The following GABRB1 variants were observed in gnomAD, a reference collection of about 807,000 sequenced individuals.
GABRB1 encodes the protein gamma-aminobutyric acid type A receptor subunit beta1.
GABRB1 carries 17 observed loss-of-function variants against 51.6 expected under a neutral mutation model. The ratio of observed to expected loss-of-function variants is 0.33; its 90% CI spans 0.23 to 0.49. The LOEUF (loss-of-function observed/expected upper bound fraction) is 0.49. Among genes scored for constraint, GABRB1 ranks in the 20% least tolerant of loss-of-function variants. GABRB1 has a pLI of 0.99. For synonymous variants in GABRB1, 247 were observed against 218.9 expected, an observed-to-expected ratio of 1.13 and a Z score of -1.14; for missense variants, 410 against 600.6, an observed-to-expected ratio of 0.68 and a Z score of 3.32.
intron 4 of GABRB1, among the ~76,000 whole-genome samples, chr4:47,262,985 T>C (rs1354226972): frequency 7.3e-6 from 1 of 136,720 alleles, no homozygotes; most frequent in Non-Finnish European, 1.5e-5. Flanking sequence ...TAGGTGGGAA[T>C]TGAACAGTGA....
intron 1 of GABRB1, among the ~76,000 whole-genome samples, chr4:46,996,496 C>T (rs1724002204): frequency 6.6e-6 from 1 of 152,138 alleles, no homozygotes; most frequent in African/African-American, 2.4e-5. Context: ...GAAATGAACA[C>T]AAAATCTTGT....
chr4:47,350,269 G>GTA (rs35809346), intron 5 of GABRB1, among the ~76,000 whole-genome samples: 6,574 of 109,810 alleles, frequency 0.06, 221 homozygotes, highest in Non-Finnish European at 0.087. Flanking sequence ...ATTAATGTGT[G>GTA]TATATATATA....
chr4:47,350,218 T>TATATATATAGAGAGAGAGAG (rs750199965), intron 5 of GABRB1, among the ~76,000 whole-genome samples: 5 of 56,656 alleles, frequency 8.8e-5, no homozygotes, highest in African/African-American at 2.4e-4. Context: ...TATATATATA[T>TATATATATAGAGAGAGAGAG]AGAGAGAGAG....
At chr4:47,293,472 G>A (rs1723840615) in intron 4 of GABRB1, among the ~76,000 whole-genome samples, 1 of 152,060 alleles carries the variant, frequency 6.6e-6, no homozygotes, top group Non-Finnish European at 1.5e-5. Flanking sequence ...AACTTCTCAT[G>A]TGCAATCCTT....
At chr4:47,202,661 G>C (rs952374242) in intron 4 of GABRB1, among the ~76,000 whole-genome samples, 8 of 152,288 alleles carry the variant, frequency 5.3e-5, no homozygotes, top group African/African-American at 1.9e-4. Context: ...TGACAAGACT[G>C]TCTCAAATAA....
intron 3 of GABRB1, among the ~76,000 whole-genome samples, chr4:47,057,976 C>G (rs1233786258): frequency 1.3e-5 from 2 of 152,106 alleles, no homozygotes; most frequent in Non-Finnish European, 2.9e-5. Context: ...CAGTAAACAG[C>G]CAAACTCTGA....
rs551703181 is a variant in GABRB1, at chr4:47,024,812, A to G, written c.-19-7102A>G. Among the ~76,000 whole-genome samples, 3 of 151,196 alleles carry G rather than the reference A, an allele frequency of 2.0e-5. No individual in the cohort carries two copies. The South Asian group carries it at 6.3e-4, about 32-fold the overall frequency. On this transcript the variant is annotated intron_variant, in intron 1 of 3. Transcript: ENST00000513567. ...GCTTAGCTCCCACTTATGAGTGAAAACATATAATGTTTGGTTTTCCATTCC... is the reference window on the plus strand; with the variant it reads ...GCTTAGCTCCCACTTATGAGTGAAAGCATATAATGTTTGGTTTTCCATTCC...
At chr4:47,265,294 G>A (rs1458272054) in intron 4 of GABRB1, among the ~76,000 whole-genome samples, 2 of 151,912 alleles carry the variant, frequency 1.3e-5, no homozygotes, top group Non-Finnish European at 2.9e-5. Flanking sequence ...GTTTTTTATG[G>A]CTGAAAAGTA....
chr4:47,156,565 T>C (rs1487746519), intron 3 of GABRB1, among the ~76,000 whole-genome samples: 1 of 152,090 alleles, frequency 6.6e-6, no homozygotes, highest in African/African-American at 2.4e-5. Context: ...CTTAAAACTA[T>C]AAATCTAGGA....
intron 5 of GABRB1, among the ~76,000 whole-genome samples, chr4:47,362,152 A>T (rs1726832205): frequency 6.6e-6 from 1 of 152,184 alleles, no homozygotes; most frequent in Non-Finnish European, 1.5e-5. Context: ...GAAAGTTACA[A>T]GAAGGATGGC....
chr4:47,015,123 G>A (rs1309513469), intron 1 of GABRB1, among the ~76,000 whole-genome samples: 7 of 152,144 alleles, frequency 4.6e-5, no homozygotes, highest in African/African-American at 1.7e-4. Flanking sequence ...GGCCAGGCTG[G>A]TCTCGAACTC....
At chr4:47,312,829 T>A (rs1724752075) in intron 4 of GABRB1, among the ~76,000 whole-genome samples, 1 of 152,128 alleles carries the variant, frequency 6.6e-6, no homozygotes, top group Admixed American at 6.5e-5. Context: ...ATGTACCCTC[T>A]CCATGTGTAT....
chr4:47,384,674 G>A (rs1269988084), intron 5 of GABRB1, among the ~76,000 whole-genome samples: 1 of 152,092 alleles, frequency 6.6e-6, no homozygotes, highest in African/African-American at 2.4e-5. Flanking sequence ...GTGCAGTAAG[G>A]TTAAAGTAGT....
chr4:47,056,100 G>A (rs80066420), intron 3 of GABRB1, among the ~76,000 whole-genome samples: 2,924 of 152,222 alleles, frequency 0.019, 49 homozygotes, highest in Middle Eastern at 0.061. Context: ...TTCTATTAAT[G>A]ACTCAGGCTG....
At chr4:47,220,927 A>T (rs1560591176) in intron 4 of GABRB1, among the ~76,000 whole-genome samples, 2 of 152,016 alleles carry the variant, frequency 1.3e-5, no homozygotes, top group Admixed American at 1.3e-4. Context: ...ATCTCAAATC[A>T]TCAGTTGTCT....
intron 8 of GABRB1, among the ~76,000 whole-genome samples, chr4:47,416,052 GC>G (rs1411365297): frequency 6.6e-6 from 1 of 152,172 alleles, no homozygotes; most frequent in South Asian, 2.1e-4. Flanking sequence ...AAAAGCACCT[GC>G]CCTCCTGGAG....
intron 4 of GABRB1, among the ~76,000 whole-genome samples, chr4:47,275,075 C>T (rs922601418): frequency 2.0e-5 from 3 of 152,212 alleles, no homozygotes; most frequent in African/African-American, 7.2e-5. Context: ...TCCAATTAAG[C>T]CAATGGGTAG....
At chr4:47,347,005 G>T (rs1726122518) in intron 5 of GABRB1, among the ~76,000 whole-genome samples, 1 of 152,114 alleles carries the variant, frequency 6.6e-6, no homozygotes, top group African/African-American at 2.4e-5. Flanking sequence ...TTATGGCAGG[G>T]CGCCGGTGAC....
chr4:47,048,995 T>C (rs984672737), intron 3 of GABRB1, among the ~76,000 whole-genome samples: 1 of 151,828 alleles, frequency 6.6e-6, no homozygotes, highest in African/African-American at 2.4e-5. Flanking sequence ...CTGTTCTTGC[T>C]CTAGTTCTTA....
Sources: gnomAD v4.1 joint callset for allele counts (sites outside exome capture counted in the v4.1 genomes callset) on GRCh38, gnomAD v4.1.1 for gene constraint, MANE v1.5 for transcripts, NCBI Gene and HGNC (gene_info 2026-07-23, HGNC 2026-07-21) for gene names.